WHRN: variants seen among roughly 807,000 people sequenced by gnomAD.
WHRN encodes the protein whirlin.
Under a neutral mutation model 68.3 loss-of-function variants are expected in WHRN, and 41 were observed. The ratio of observed to expected loss-of-function variants is 0.60; its 90% CI spans 0.47 to 0.78. WHRN has a LOEUF of 0.78. Among genes scored for constraint, WHRN ranks in the 30% least tolerant of loss-of-function variants. The pLI is 0.00. For missense variants in WHRN, 1,243 were observed against 1,244.7 expected, an observed-to-expected ratio of 1.00 and a Z score of 0.02; for synonymous variants, 560 against 561.3, an observed-to-expected ratio of 1.00 and a Z score of 0.03.
At chr9:114,425,450 G>A in intron 4 of WHRN, 1 of 442,280 alleles carries the variant, frequency 2.3e-6, no homozygotes, top group Non-Finnish European at 4.0e-6. Flanking sequence ...GGCTCAGGCT[G>A]CCAGACTTCC....
chr9:114,494,433 G>T (rs1034467841), intron 1 of WHRN, among the ~76,000 whole-genome samples: 2 of 152,222 alleles, frequency 1.3e-5, no homozygotes, highest in African/African-American at 4.8e-5. Flanking sequence ...TAAGTAACTT[G>T]TCTGCTACTT....
chr9:114,504,057 T>TAAA, intron 1 of WHRN, 127 bp downstream of exon 1: 1 of 1,048,732 alleles, frequency 9.5e-7, no homozygotes. Context: ...TTTAAAGTAT[T>TAAA]AAAAAAAAAA....
chr9:114,414,955 C>T (rs575290191), intron 7 of WHRN, among the ~76,000 whole-genome samples: 1 of 152,286 alleles, frequency 6.6e-6, no homozygotes, highest in East Asian at 1.9e-4. Flanking sequence ...CACCCGCATC[C>T]ACCTTGCACC....
At chr9:114,428,186 G>A (rs62559519) in intron 3 of WHRN, among the ~76,000 whole-genome samples, 5,738 of 152,164 alleles carry the variant, frequency 0.038, 154 homozygotes, top group Non-Finnish European at 0.058. Flanking sequence ...AAATTAGCCC[G>A]GCGAGGTGGT....
At chr9:114,436,724 G>T (rs2132532036) in intron 3 of WHRN, among the ~76,000 whole-genome samples, 1 of 152,220 alleles carries the variant, frequency 6.6e-6, no homozygotes, top group South Asian at 2.1e-4. Flanking sequence ...AGCTACTTGG[G>T]AGGCTGAGGC....
chr9:114,456,201 G>A (rs1839779920), intron 3 of WHRN, among the ~76,000 whole-genome samples: 1 of 151,594 alleles, frequency 6.6e-6, no homozygotes, highest in East Asian at 1.9e-4. Flanking sequence ...TGGAATTGCA[G>A]TGGTGGATGC....
intron 7 of WHRN, among the ~76,000 whole-genome samples, chr9:114,410,153 A>G (rs1835329671): frequency 1.3e-5 from 2 of 152,154 alleles, no homozygotes; most frequent in African/African-American, 4.8e-5. Flanking sequence ...TGTCTAAAAC[A>G]GTACTGCCCC....
chr9:114,448,063 C>G (rs1370149094), intron 3 of WHRN, among the ~76,000 whole-genome samples: 1 of 152,130 alleles, frequency 6.6e-6, no homozygotes, highest in South Asian at 2.1e-4. Flanking sequence ...TGTGTTCCCC[C>G]AAAAATATGT....
rs199746650 is a variant in WHRN, at chr9:114,487,188, A to AT, written c.619-8418dup. Reference sequence around the variant, plus strand: ...CCTAGGTAAGAGATACCAAAAAAAAATTTTTTTTTTTTTTTTGTCTAACAA... The same window carrying AT: ...CCTAGGTAAGAGATACCAAAAAAAAATTTTTTTTTTTTTTTTTGTCTAACAA... On this transcript the variant is annotated intron_variant, in intron 1 of 11. Coordinates refer to ENST00000362057, the MANE Select transcript of WHRN (RefSeq NM_015404.4). 4.2e-3 allele frequency among the ~76,000 whole-genome samples: 576 copies of AT among 136,504 alleles called. 3 individuals are homozygous for AT. The highest frequency in any genetic ancestry group is 0.016 in the East Asian group (76 of 4,800). 89.6% of individuals were successfully genotyped at this position (136,504 alleles called of 152,430 possible).
chr9:114,402,972 G>A, intron 11 of WHRN, 36 bp from the exon 12 acceptor site: 1 of 1,588,224 alleles, frequency 6.3e-7, no homozygotes, highest in Admixed American at 1.8e-5. Context: ...GGGTGCCCAA[G>A]GGTTAGACAG....
intron 2 of WHRN, among the ~76,000 whole-genome samples, chr9:114,467,007 AG>A (rs1246970642): frequency 2.0e-5 from 3 of 150,510 alleles, no homozygotes. Context: ...CTGTCACCCC[AG>A]GGGTCTCCTG....
chr9:114,484,038 C>T (rs1483057369), intron 1 of WHRN, among the ~76,000 whole-genome samples: 1 of 152,140 alleles, frequency 6.6e-6, no homozygotes, highest in Non-Finnish European at 1.5e-5. Flanking sequence ...GCTGGTGTTG[C>T]TACCAGGTCA....
intron 3 of WHRN, among the ~76,000 whole-genome samples, chr9:114,465,128 G>C (rs1840569181): frequency 6.6e-6 from 1 of 152,116 alleles, no homozygotes; most frequent in African/African-American, 2.4e-5. Flanking sequence ...CTTCCCTACT[G>C]CAAACCCAGA....
At position 114,483,772 on chromosome 9, in the gene WHRN, G is replaced by T. The variant is rs569638544; in HGVS notation, c.619-5001C>A. Reference sequence around the variant, plus strand: ...GGTTTTGCCCTCTGGCAATGAGCAGGTTGGACCTGTTTGCTAAGATCCTGT... The same window carrying T: ...GGTTTTGCCCTCTGGCAATGAGCAGTTTGGACCTGTTTGCTAAGATCCTGT... On this transcript the variant is annotated intron_variant, in intron 1 of 11. Transcript: ENST00000362057. 1.2e-4 allele frequency among the ~76,000 whole-genome samples: 19 copies of T among 152,334 alleles called. No homozygotes were observed. In the South Asian group the frequency reaches 3.9e-3, roughly 32 times the overall value.
chr9:114,471,593 G>A (rs1449424607), intron 2 of WHRN, among the ~76,000 whole-genome samples: 1 of 152,234 alleles, frequency 6.6e-6, no homozygotes, highest in Non-Finnish European at 1.5e-5. Context: ...CCTGCCGGGG[G>A]CCAGCACTGC....
chr9:114,478,331 A>G, intron 2 of WHRN: 1 of 715,634 alleles, frequency 1.4e-6, no homozygotes, highest in Non-Finnish European at 2.6e-6. Context: ...CACAGTATTT[A>G]AGCTCTTTTA....
At chr9:114,418,993 G>T (rs1049559766) in intron 7 of WHRN, among the ~76,000 whole-genome samples, 1 of 152,118 alleles carries the variant, frequency 6.6e-6, no homozygotes, top group Non-Finnish European at 1.5e-5. Flanking sequence ...CACAGTAAAT[G>T]CTCAATATTT....
intron 3 of WHRN, among the ~76,000 whole-genome samples, chr9:114,438,017 C>T (rs529440436): frequency 6.6e-6 from 1 of 152,210 alleles, no homozygotes; most frequent in South Asian, 2.1e-4. Flanking sequence ...TTCAACTTCA[C>T]CCATAATAAG....
intron 3 of WHRN, among the ~76,000 whole-genome samples, chr9:114,458,037 C>T (rs1215206392): frequency 6.6e-6 from 1 of 152,056 alleles, no homozygotes; most frequent in African/African-American, 2.4e-5. Flanking sequence ...TTTACAGTGG[C>T]GGATTCTGGC....
Sources: gnomAD v4.1 joint callset for allele counts (sites outside exome capture counted in the v4.1 genomes callset) on GRCh38, gnomAD v4.1.1 for gene constraint, MANE v1.5 for transcripts, NCBI Gene and HGNC (gene_info 2026-07-23, HGNC 2026-07-21) for gene names.